Variants in MYLK3 observed in about 807,000 individuals in gnomAD.
MYLK3 encodes the protein myosin light chain kinase 3.
A neutral mutation model predicts 76.3 loss-of-function variants in MYLK3; 55 were observed. That is an observed-to-expected ratio of 0.72 (90% confidence interval 0.58 to 0.90). The LOEUF is 0.90. Among genes scored for constraint, MYLK3 ranks in the 40% least tolerant of loss-of-function variants. The pLI is 0.00. For missense variants in MYLK3, 973 were observed against 1,053.6 expected (o/e 0.92, Z 1.06); for synonymous variants, 416 against 425.4 (o/e 0.98, Z 0.27).
At chr16:46,747,654 T>G in intron 1 of MYLK3, 63 bp downstream of exon 1, 1 of 1,501,172 alleles carries the variant, frequency 6.7e-7, no homozygotes, top group Non-Finnish European at 9.1e-7. Context: ...ACTGGCTGCC[T>G]GGCCAGTCTC....
rs909579174 is a variant in MYLK3 at position 46,704,191 on chromosome 16, C to T, written c.*3513G>A. Reference sequence around the variant, plus strand: ...GTGGTGTGATCTCAGCTCACTGCAACCCCTGCCTCCTGTTTAAGTGATTCT... The same window carrying T: ...GTGGTGTGATCTCAGCTCACTGCAATCCCTGCCTCCTGTTTAAGTGATTCT... On this transcript the variant is annotated 3_prime_UTR_variant, in exon 13 of 13. Coordinates refer to ENST00000394809, the MANE Select transcript of MYLK3 (RefSeq NM_182493.3). 9.9e-5 allele frequency: 15 copies of T among 152,088 alleles called. No individual in the cohort carries two copies. Among genetic ancestry groups the T allele is most frequent in the African/African-American group, 3.6e-4 (15 of 41,390 alleles). 9.4% of individuals were successfully genotyped at this position (152,088 alleles called of 1,614,324 possible).
chr16:46,758,298 ACACACACTCTCTCTCT>A (rs774488522), intron 1 of MYLK3, among the ~76,000 whole-genome samples: 25 of 56,222 alleles, frequency 4.4e-4, no homozygotes, highest in South Asian at 2.6e-3. Context: ...ACACACACAC[ACACACACTCTCTCTCT>A]CTCTCTCTCT....
intron 9 of MYLK3, among the ~76,000 whole-genome samples, chr16:46,716,367 A>ATATATG (rs1325491779): frequency 6.6e-6 from 1 of 151,876 alleles, no homozygotes; most frequent in Non-Finnish European, 1.5e-5. Context: ...CCGCATATAT[A>ATATATG]TATATGTATA....
chr16:46,744,138 T>G (rs1966978437), intron 1 of MYLK3, among the ~76,000 whole-genome samples: 1 of 151,446 alleles, frequency 6.6e-6, no homozygotes, highest in African/African-American at 2.4e-5. Flanking sequence ...GTTCAAGTGA[T>G]TCTTCTGCCT....
chr16:46,744,344 T>C (rs1249144528), intron 1 of MYLK3, among the ~76,000 whole-genome samples: 5 of 138,938 alleles, frequency 3.6e-5, no homozygotes, highest in African/African-American at 1.4e-4. Context: ...TTTTTTTTTT[T>C]TTTTTTTTTT....
chr16:46,751,180 G>A (rs565913064), upstream of MYLK3, among the ~76,000 whole-genome samples: 6 of 152,168 alleles, frequency 3.9e-5, no homozygotes, highest in African/African-American at 1.4e-4. Flanking sequence ...GGAGGCCAAG[G>A]CAGGCGAATC....
chr16:46,717,237 C>A (rs900811899), intron 9 of MYLK3, among the ~76,000 whole-genome samples: 2 of 152,152 alleles, frequency 1.3e-5, no homozygotes, highest in African/African-American at 4.8e-5. Flanking sequence ...CTGCAGGACA[C>A]CCAGCTGGCA....
At position 46,732,692 on chromosome 16, in the gene MYLK3, C is replaced by A. The variant is rs768059277; in HGVS notation, c.1002-24G>T. 7.5e-6 allele frequency: 11 copies of A among 1,468,886 alleles called. No homozygotes were observed. In the South Asian group the frequency reaches 1.5e-4, roughly 21 times the overall value. 91.0% of individuals were successfully genotyped at this position (1,468,886 alleles called of 1,614,324 possible). A position where few individuals can be genotyped will look rare whatever the true frequency, so the allele number is the denominator to read the frequency against. On this transcript the variant is annotated intron_variant, in intron 3 of 12. Coordinates refer to ENST00000394809, the MANE Select transcript of MYLK3 (RefSeq NM_182493.3). ...TCCTGGGGTGGAGAGAAACATGGTG[C>A]TGAGGTTAGAGGCAAGGACTCTGGA...
intron 9 of MYLK3, among the ~76,000 whole-genome samples, chr16:46,717,585 A>C (rs905005108): frequency 4.0e-5 from 6 of 151,210 alleles, no homozygotes; most frequent in Non-Finnish European, 8.8e-5. Flanking sequence ...CCCATAACTC[A>C]CAGGGCGCCC....
At chr16:46,709,506 A>T (rs1239973169) in intron 12 of MYLK3, 33 bp downstream of exon 12, 2 of 1,601,354 alleles carry the variant, frequency 1.2e-6, no homozygotes, top group South Asian at 2.3e-5. Flanking sequence ...TAGGATGACA[A>T]ATTCCACCTT....
intron 10 of MYLK3, among the ~76,000 whole-genome samples, chr16:46,712,310 C>T (rs1044143820): frequency 6.6e-6 from 1 of 152,012 alleles, no homozygotes; most frequent in Non-Finnish European, 1.5e-5. Flanking sequence ...AACTTTGATA[C>T]AGCTGCTGAA....
rs1567278388 is a variant in MYLK3, at chr16:46,705,396, A to T, written c.*2308T>A. The T allele has an allele frequency of 6.6e-6, 1 of 152,202 alleles. No individual in the cohort carries two copies. Among genetic ancestry groups the T allele is most frequent in the Admixed American group, 6.6e-5 (1 of 15,266 alleles). 9.4% of individuals were successfully genotyped at this position (152,202 alleles called of 1,614,324 possible). ...AATACAAAAATTAGCTGGGCGTGGC[A>T]GCACACGCCTGTAATCCCAGCTACC... On this transcript the variant is annotated 3_prime_UTR_variant, in exon 13 of 13. Transcript: ENST00000394809.
rs764544288 is a variant in MYLK3 at position 46,707,782 on chromosome 16, TAAAAG to T, written c.2401-24_2401-20del. On this transcript the variant is annotated intron_variant, in intron 12 of 12. Coordinates refer to ENST00000394809, the MANE Select transcript of MYLK3 (RefSeq NM_182493.3). ...AATGTTTCTTGAGGCAAGGAGAGAATAAAAGAAAAGAAAAAGCATGTATTTTAGAC... is the reference window on the plus strand; with the variant it reads ...AATGTTTCTTGAGGCAAGGAGAGAATAAAAGAAAAAGCATGTATTTTAGAC... 4.4e-6 allele frequency: 7 copies of T among 1,592,526 alleles called. No individual in the cohort carries two copies. In the South Asian group the frequency reaches 6.7e-5, roughly 15 times the overall value.
chr16:46,761,440 G>T (rs1967274780), intron 1 of MYLK3, among the ~76,000 whole-genome samples: 2 of 152,170 alleles, frequency 1.3e-5, no homozygotes, highest in Non-Finnish European at 2.9e-5. Context: ...GGTGCAGAGA[G>T]GATACAAAGT....
intron 11 of MYLK3, 107 bp downstream of exon 11, chr16:46,710,530 G>T: frequency 2.4e-6 from 3 of 1,259,654 alleles, no homozygotes; most frequent in Non-Finnish European, 2.2e-6. Flanking sequence ...ATCTTGAATG[G>T]AATTTGTCCA....
intron 3 of MYLK3, among the ~76,000 whole-genome samples, chr16:46,736,115 C>T (rs894722326): frequency 6.6e-6 from 1 of 152,154 alleles, no homozygotes; most frequent in Non-Finnish European, 1.5e-5. Flanking sequence ...TCAAGTGATC[C>T]TCCCACCTCA....
At chr16:46,709,942 T>C (rs1966666398) in intron 11 of MYLK3, among the ~76,000 whole-genome samples, 1 of 152,196 alleles carries the variant, frequency 6.6e-6, no homozygotes, top group Admixed American at 6.5e-5. Context: ...GGCTGAGAAG[T>C]TGAGGCAGGG....
intron 3 of MYLK3, 126 bp downstream of exon 3, chr16:46,737,585 C>T (rs879637819): frequency 9.8e-6 from 9 of 918,230 alleles, no homozygotes; most frequent in South Asian, 7.0e-5. Context: ...GCCCAGGCCT[C>T]CTCCCCATTC....
At chr16:46,758,598 C>T (rs547374024) in intron 1 of MYLK3, among the ~76,000 whole-genome samples, 2 of 152,192 alleles carry the variant, frequency 1.3e-5, no homozygotes, top group Admixed American at 6.5e-5. Context: ...ACACCATGCT[C>T]ATCACTCACA....
Sources: gnomAD v4.1 joint callset for allele counts (sites outside exome capture counted in the v4.1 genomes callset) on GRCh38, gnomAD v4.1.1 for gene constraint, MANE v1.5 for transcripts, NCBI Gene and HGNC (gene_info 2026-07-23, HGNC 2026-07-21) for gene names.